Variants in HACE1 observed in about 807,000 individuals in gnomAD.
HACE1 encodes the protein HECT domain and ankyrin repeat containing E3 ubiquitin protein ligase 1, also known as E3 ubiquitin-protein ligase HACE1.
Under a neutral mutation model 118.4 loss-of-function variants are expected in HACE1, and 73 were observed. The ratio of observed to expected loss-of-function variants is 0.62; its 90% CI spans 0.51 to 0.75. The LOEUF (loss-of-function observed/expected upper bound fraction) is 0.75, where lower values mean the gene tolerates loss of function less well. Ranked by LOEUF, HACE1 falls within the 30% of genes least tolerant of loss-of-function variation. The pLI, the probability that HACE1 is intolerant of heterozygous loss-of-function variation, is 0.00. For missense variants in HACE1, 749 were observed against 1,102.2 expected (o/e 0.68, Z 4.54); for synonymous variants, 368 against 374.8 (o/e 0.98, Z 0.21).
At chr6:104,775,380 T>C (rs12207466) in intron 17 of HACE1, among the ~76,000 whole-genome samples, 7,393 of 151,226 alleles carry the variant, frequency 0.049, 260 homozygotes, top group East Asian at 0.13. Context: ...CGAGACTCTG[T>C]CTCAAAGAAA....
intron 1 of HACE1, chr6:104,858,393 C>G (rs1463319256): frequency 3.9e-6 from 1 of 257,504 alleles, no homozygotes; most frequent in Non-Finnish European, 7.9e-6. Context: ...AGACTAGAGA[C>G]CATTTTTTCA....
chr6:104,859,518 C>T, intron 1 of HACE1, 49 bp downstream of exon 1: 4 of 1,389,460 alleles, frequency 2.9e-6, no homozygotes, highest in Non-Finnish European at 2.9e-6. Context: ...TCCTGCCCCA[C>T]TGGCCGCCCC....
chr6:104,785,543 T>C (rs550705928), intron 11 of HACE1: 12 of 510,906 alleles, frequency 2.3e-5, no homozygotes, highest in African/African-American at 1.9e-4. Flanking sequence ...TTAATTTGTA[T>C]GTATGTATTC....
intron 19 of HACE1, among the ~76,000 whole-genome samples, chr6:104,763,705 G>T (rs1779656261): frequency 6.6e-6 from 1 of 152,124 alleles, no homozygotes; most frequent in East Asian, 1.9e-4. Context: ...TTAAACAGAA[G>T]CAACAAACAG....
Position 104,729,042 on chromosome 6 carries a change from A to G in HACE1, c.*620T>C, listed in dbSNP as rs1020290911. On this transcript the variant is annotated 3_prime_UTR_variant, in exon 24 of 24. Transcript: ENST00000262903. ...CTGAAAGATGCAAATAATTCATACA[A>G]TATAGCGTAAGCTTTCATATATAAA... 6.6e-6 allele frequency: 1 copy of G among 152,610 alleles called. No homozygotes were observed. Among genetic ancestry groups the G allele is most frequent in the Non-Finnish European group, 1.5e-5 (1 of 68,024 alleles). 9.5% of individuals were successfully genotyped at this position (152,610 alleles called of 1,614,324 possible). A position where few individuals can be genotyped will look rare whatever the true frequency, so the allele number is the denominator to read the frequency against.
chr6:104,835,453 C>A (rs1774432582), intron 5 of HACE1, among the ~76,000 whole-genome samples: 1 of 151,832 alleles, frequency 6.6e-6, no homozygotes, highest in African/African-American at 2.4e-5. Context: ...GGAAAAAAAA[C>A]TCTTGGAAAT....
intron 22 of HACE1, among the ~76,000 whole-genome samples, chr6:104,734,171 C>T (rs979516989): frequency 6.9e-6 from 1 of 144,292 alleles, no homozygotes; most frequent in Admixed American, 6.9e-5. Flanking sequence ...AAGAAATCAT[C>T]AAGTCTGATT....
chr6:104,757,812 G>A (rs768179797), intron 19 of HACE1, among the ~76,000 whole-genome samples: 23 of 152,094 alleles, frequency 1.5e-4, no homozygotes, highest in Non-Finnish European at 3.2e-4. Context: ...AAGGTTAAAC[G>A]AATGGCTAAC....
chr6:104,788,752 C>T (rs886474315), intron 11 of HACE1, among the ~76,000 whole-genome samples: 4 of 152,214 alleles, frequency 2.6e-5, no homozygotes, highest in Non-Finnish European at 5.9e-5. Flanking sequence ...TAAAAATGAT[C>T]TTCTCCTTCA....
chr6:104,802,386 C>T (rs895827119), intron 7 of HACE1, among the ~76,000 whole-genome samples: 41 of 152,180 alleles, frequency 2.7e-4, no homozygotes, highest in African/African-American at 9.4e-4. Context: ...ATCTACAGAA[C>T]TCTCCACCCC....
chr6:104,748,060 C>A (rs937471386), intron 20 of HACE1, among the ~76,000 whole-genome samples: 1 of 151,478 alleles, frequency 6.6e-6, no homozygotes, highest in Non-Finnish European at 1.5e-5. Context: ...GTTTCTAAAA[C>A]AGGACACAAA....
At chr6:104,836,374 T>C (rs1774535638) in intron 5 of HACE1, among the ~76,000 whole-genome samples, 1 of 152,196 alleles carries the variant, frequency 6.6e-6, no homozygotes, top group Non-Finnish European at 1.5e-5. Context: ...GTAATAAAGT[T>C]GCAGTAGGGC....
intron 20 of HACE1, 92 bp downstream of exon 20, chr6:104,750,249 T>A: frequency 9.5e-7 from 1 of 1,047,328 alleles, no homozygotes; most frequent in Non-Finnish European, 1.4e-6. Context: ...CATTATTTCA[T>A]TCATCATAAT....
At chr6:104,745,833 TTAAATA>T (rs1777363874) in intron 20 of HACE1, among the ~76,000 whole-genome samples, 1 of 152,046 alleles carries the variant, frequency 6.6e-6, no homozygotes, top group Non-Finnish European at 1.5e-5. Flanking sequence ...ACCTTGTACC[TTAAATA>T]AGATTGATAT....
At chr6:104,809,190 A>G (rs1400124452) in intron 7 of HACE1, among the ~76,000 whole-genome samples, 1 of 152,214 alleles carries the variant, frequency 6.6e-6, no homozygotes, top group African/African-American at 2.4e-5. Flanking sequence ...ATAAAGTGGT[A>G]AAATAAACAC....
In HACE1 at chr6:104,791,633, A is replaced by G. The variant is rs751159938; in HGVS notation, c.945T>C (p.Ala315=). Residue 315 remains alanine, a synonymous_variant, in exon 11 of 24, where the codon GCT becomes GCC. Transcript: ENST00000262903. ...KLLSLSSNYD[A]QMKSLLRIVR... is the part of the protein sequence containing the mutation. Reference sequence around the variant, plus strand: ...CAATCCTTAAAAGGCTCTTCATTTGAGCATCATAATTGCTAGAGAGGCTGA... The same window carrying G: ...CAATCCTTAAAAGGCTCTTCATTTGGGCATCATAATTGCTAGAGAGGCTGA... The G allele has an allele frequency of 6.2e-7, 1 of 1,610,554 alleles. No homozygotes were observed. The highest frequency in any genetic ancestry group is 8.5e-7 in the Non-Finnish European group (1 of 1,176,928).
At chr6:104,765,942 A>G (rs1395064921) in intron 19 of HACE1, among the ~76,000 whole-genome samples, 3 of 152,146 alleles carry the variant, frequency 2.0e-5, no homozygotes, top group Non-Finnish European at 2.9e-5. Flanking sequence ...TTTCACATTT[A>G]TATTGCTGTC....
chr6:104,744,179 AGAG>A lies in HACE1; in HGVS notation c.2491_2493del (p.Leu832del), dbSNP rs1777143907. 4 of 1,599,184 alleles carry A rather than the reference AGAG, an allele frequency of 2.5e-6. No individual in the cohort carries two copies. The highest frequency in any genetic ancestry group is 2.6e-6 in the Non-Finnish European group (3 of 1,166,598). On this transcript the variant is annotated inframe_deletion, in exon 22 of 24. Coordinates refer to ENST00000262903, the MANE Select transcript of HACE1 (RefSeq NM_020771.4). The stretch of plus-strand genomic sequence containing the variant: ...GCTTACCTGCCCGTAACAAACTGTA[AGAG>A]AAGAACTCTCTCCTCTTGAGTAATG...
intron 5 of HACE1, among the ~76,000 whole-genome samples, chr6:104,841,128 A>AG (rs1042963165): frequency 6.6e-6 from 1 of 152,078 alleles, no homozygotes; most frequent in African/African-American, 2.4e-5. Flanking sequence ...CAAAAAAAAA[A>AG]AAAAAAATAG....
Sources: gnomAD v4.1 joint callset for allele counts (sites outside exome capture counted in the v4.1 genomes callset) on GRCh38, gnomAD v4.1.1 for gene constraint, MANE v1.5 for transcripts, NCBI Gene and HGNC (gene_info 2026-07-23, HGNC 2026-07-21) for gene names.